Variants in TBC1D31 observed in about 807,000 individuals in gnomAD.
The protein encoded by TBC1D31 is TBC1 domain family member 31.
Under a neutral mutation model 132.9 loss-of-function variants are expected in TBC1D31, and 99 were observed. The observed-to-expected ratio is 0.74, with a 90% CI of 0.63 to 0.88. The LOEUF is 0.88. Among genes scored for constraint, TBC1D31 ranks in the 40% least tolerant of loss-of-function variants. TBC1D31 has a pLI of 0.00. For synonymous variants in TBC1D31, 385 were observed against 419.4 expected, an observed-to-expected ratio of 0.92 and a Z score of 1.00; for missense variants, 1,134 against 1,256.6, an observed-to-expected ratio of 0.90 and a Z score of 1.48.
At chr8:123,132,653 G>A (rs1173595928) in intron 16 of TBC1D31, among the ~76,000 whole-genome samples, 1 of 151,760 alleles carries the variant, frequency 6.6e-6, no homozygotes, top group Admixed American at 6.6e-5. Context: ...ACTTCAAGTG[G>A]TCTGCCCACC....
At chr8:123,097,241 A>G in intron 5 of TBC1D31, 41 bp from the exon 6 acceptor site, 1 of 1,610,362 alleles carries the variant, frequency 6.2e-7, no homozygotes, top group Non-Finnish European at 8.5e-7. Flanking sequence ...TGCTACAAAC[A>G]ATTGAACCCG....
At chr8:123,126,295 C>T in intron 12 of TBC1D31, 106 bp downstream of exon 12, 2 of 1,375,384 alleles carry the variant, frequency 1.5e-6, no homozygotes, top group South Asian at 3.0e-5. Context: ...AAGCATACTA[C>T]ATGTTGTATT....
chr8:123,163,684 A>T, the TBC1D31 span, among the ~76,000 whole-genome samples: 2 of 151,972 alleles, frequency 1.3e-5, no homozygotes, highest in African/African-American at 4.8e-5. Context: ...CCATTTTTAA[A>T]AATTTTTTAT....
At chr8:123,140,106 T>C (rs1011830564) in intron 17 of TBC1D31, among the ~76,000 whole-genome samples, 3 of 152,194 alleles carry the variant, frequency 2.0e-5, no homozygotes, top group African/African-American at 7.2e-5. Flanking sequence ...ACACCTGTAA[T>C]CCTAGCATTT....
chr8:123,082,193 G>A (rs12543807), intron 2 of TBC1D31, among the ~76,000 whole-genome samples: 47,590 of 151,864 alleles, frequency 0.31, 8,166 homozygotes, highest in Admixed American at 0.39. Context: ...CCAGCTAGGT[G>A]CCCAGTACTC....
chr8:123,118,801 T>C (rs1323933518), intron 10 of TBC1D31, among the ~76,000 whole-genome samples: 3 of 152,200 alleles, frequency 2.0e-5, no homozygotes. Flanking sequence ...GGTGTGACTA[T>C]AGTTCACTGC....
chr8:123,074,208 A>G (rs187358124), intron 1 of TBC1D31, among the ~76,000 whole-genome samples: 29 of 151,838 alleles, frequency 1.9e-4, no homozygotes, highest in African/African-American at 6.8e-4. Flanking sequence ...TTGTATTTTT[A>G]GTAGAGACGG....
chr8:123,140,135 C>G (rs558955239), intron 17 of TBC1D31, among the ~76,000 whole-genome samples: 2 of 152,026 alleles, frequency 1.3e-5, no homozygotes, highest in Non-Finnish European at 2.9e-5. Flanking sequence ...CGAGGCAGGC[C>G]GATCACATGA....
At chr8:123,130,121 G>A in intron 15 of TBC1D31, 77 bp from the exon 16 acceptor site, 1 of 1,430,176 alleles carries the variant, frequency 7.0e-7, no homozygotes, top group Admixed American at 2.1e-5. Flanking sequence ...TGATCAGCAT[G>A]GCAGACCTGT....
chr8:123,118,802 A>T (rs945800461), intron 10 of TBC1D31, among the ~76,000 whole-genome samples: 1 of 152,166 alleles, frequency 6.6e-6, no homozygotes, highest in African/African-American at 2.4e-5. Flanking sequence ...GTGTGACTAT[A>T]GTTCACTGCA....
intron 6 of TBC1D31, among the ~76,000 whole-genome samples, chr8:123,098,515 T>TGAC (rs1020822491): frequency 1.3e-5 from 2 of 152,226 alleles, no homozygotes; most frequent in African/African-American, 4.8e-5. Flanking sequence ...CTGGCCAGGC[T>TGAC]GACCTCAAGT....
chr8:123,145,026 C>G (rs1434704003), intron 20 of TBC1D31, among the ~76,000 whole-genome samples, 171 bp downstream of exon 20: 1 of 151,834 alleles, frequency 6.6e-6, no homozygotes, highest in Non-Finnish European at 1.5e-5. Context: ...TGAGCTCAAG[C>G]AGTTCTCCCA....
chr8:123,157,017 G>C (rs996100218), downstream of TBC1D31, among the ~76,000 whole-genome samples: 3 of 152,264 alleles, frequency 2.0e-5, no homozygotes, highest in East Asian at 5.8e-4. Flanking sequence ...AGGTCGAGCA[G>C]TCGGGGACTG....
chr8:123,129,097 G>C lies in TBC1D31; in HGVS notation c.2149G>C (p.Asp717His), dbSNP rs760248886. 1 of 1,604,406 alleles carries C rather than the reference G, an allele frequency of 6.2e-7. No homozygotes were observed. Among genetic ancestry groups the C allele is most frequent in the East Asian group, 2.2e-5 (1 of 44,702 alleles). The change falls in exon 15 of 22, where the codon GAC (aspartate) becomes CAC (histidine). Residue 717 changes from aspartate (D) to histidine (H), a missense_variant. Physicochemically the swap from Asp to His is moderately conservative, Grantham distance 81. Coordinates refer to ENST00000287380, the MANE Select transcript of TBC1D31 (RefSeq NM_145647.4). ...QTVEDMQAKV[D>H]QQRVEDEAWY... Reference sequence around the variant, plus strand: ...AGTTGAAGATATGCAAGCTAAAGTCGACCAGCAAAGAGTTGAAGATGAAGC... The same window carrying C: ...AGTTGAAGATATGCAAGCTAAAGTCCACCAGCAAAGAGTTGAAGATGAAGC...
rs1461665297 is a variant in TBC1D31 at position 123,072,797 on chromosome 8, G to A, written c.28G>A (p.Glu10Lys). 3 of 1,574,062 alleles carry A rather than the reference G, an allele frequency of 1.9e-6. No homozygotes were observed. The highest frequency in any genetic ancestry group is 3.7e-5 in the Admixed American group (2 of 53,942). Reference sequence around the variant, plus strand: ...GCAGAGCACTGACCTAGGCAACAAGGAGAGCGGCAAGATATGGCACCGCAA... The same window carrying A: ...GCAGAGCACTGACCTAGGCAACAAGAAGAGCGGCAAGATATGGCACCGCAA... The part of the protein sequence containing the change: MQSTDLGNK[E>K]SGKIWHRKPS... Residue 10 changes from glutamate (E) to lysine (K), a missense_variant, in exon 1 of 22, where the codon GAG (glutamate) becomes AAG (lysine). Transcript: ENST00000287380.
chr8:123,117,624 G>A (rs1051341403), intron 10 of TBC1D31, among the ~76,000 whole-genome samples: 16 of 151,564 alleles, frequency 1.1e-4, no homozygotes, highest in South Asian at 4.2e-4. Context: ...ATGGTGGCGC[G>A]CGCCTGTAGT....
intron 6 of TBC1D31, 91 bp downstream of exon 6, chr8:123,097,532 C>A (rs1224082192): frequency 6.8e-6 from 9 of 1,331,272 alleles, no homozygotes; most frequent in Middle Eastern, 5.0e-4. Context: ...TAACTTACAC[C>A]CTGGCTGTTA....
the TBC1D31 span, among the ~76,000 whole-genome samples, chr8:123,164,448 G>A: frequency 1.6e-3 from 246 of 152,296 alleles, 1 homozygote; most frequent in Admixed American, 3.2e-3. Context: ...CAGGCCAGGC[G>A]CAGTGGCTCA....
At chr8:123,082,965 A>T (rs549326410) in intron 3 of TBC1D31, 148 bp downstream of exon 3, 10 of 601,556 alleles carry the variant, frequency 1.7e-5, no homozygotes, top group Admixed American at 1.5e-4. Flanking sequence ...GGTCCTAGAA[A>T]CAGCCTCACT....
Sources: gnomAD v4.1 joint callset for allele counts (sites outside exome capture counted in the v4.1 genomes callset) on GRCh38, gnomAD v4.1.1 for gene constraint, MANE v1.5 for transcripts, NCBI Gene and HGNC (gene_info 2026-07-23, HGNC 2026-07-21) for gene names.